DPP6: variants seen among roughly 807,000 people sequenced by gnomAD.
DPP6 encodes the protein A-type potassium channel modulatory protein DPP6.
A neutral mutation model predicts 122.6 loss-of-function variants in DPP6; 69 were observed. The ratio of observed to expected loss-of-function variants is 0.56; its 90% CI spans 0.46 to 0.69. DPP6 has a LOEUF of 0.69. Ranked by LOEUF, DPP6 falls within the 30% of genes least tolerant of loss-of-function variation. The pLI is 0.00. For synonymous variants in DPP6, 418 were observed against 433.1 expected, an observed-to-expected ratio of 0.97 and a Z score of 0.43; for missense variants, 928 against 1,116.9, an observed-to-expected ratio of 0.83 and a Z score of 2.41.
intron 1 of DPP6, among the ~76,000 whole-genome samples, chr7:154,335,747 C>T (rs1809356546): frequency 6.6e-6 from 1 of 152,128 alleles, no homozygotes; most frequent in African/African-American, 2.4e-5. Context: ...ATGTGGAATT[C>T]TACAGGTATT....
In DPP6 at chr7:154,819,422, TAAA is replaced by T. The variant is rs759448066; in HGVS notation, c.1666+12311_1666+12313del. On this transcript the variant is annotated intron_variant, in intron 16 of 25. Coordinates refer to ENST00000377770, the MANE Select transcript of DPP6 (RefSeq NM_130797.4). ...AAGAGTGAAACTCTGTCTCAATAAA[TAAA>T]TAAATTAATTAATTAATTAATTCAA... 8.9e-3 allele frequency among the ~76,000 whole-genome samples: 1,346 copies of T among 150,976 alleles called. 11 individuals are homozygous for T. Among genetic ancestry groups the T allele is most frequent in the African/African-American group, 0.019 (776 of 41,406 alleles).
chr7:153,891,895 C>G (rs1432364254), intron 1 of DPP6, among the ~76,000 whole-genome samples: 1 of 152,160 alleles, frequency 6.6e-6, no homozygotes, highest in African/African-American at 2.4e-5. Context: ...ACCTAGGACA[C>G]AAAGCATCAG....
intron 5 of DPP6, among the ~76,000 whole-genome samples, chr7:154,607,091 T>C (rs913618231): frequency 8.2e-6 from 1 of 121,228 alleles, no homozygotes; most frequent in African/African-American, 2.6e-5. Context: ...CATCTCCACA[T>C]GAGCAGCTCA....
chr7:154,039,269 C>G (rs1799652920), intron 1 of DPP6, among the ~76,000 whole-genome samples: 1 of 147,028 alleles, frequency 6.8e-6, no homozygotes, highest in African/African-American at 2.7e-5. Flanking sequence ...GGTACATTGC[C>G]AGTTTACAGG....
chr7:154,160,100 A>C (rs1177335085), intron 1 of DPP6, among the ~76,000 whole-genome samples: 1 of 151,902 alleles, frequency 6.6e-6, no homozygotes, highest in Admixed American at 6.5e-5. Flanking sequence ...ACAGAGCAAG[A>C]TCCTGTCTCA....
Position 154,624,631 on chromosome 7 carries a change from G to A in DPP6, c.628-13190G>A, listed in dbSNP as rs944271980. Among the ~76,000 whole-genome samples the A allele has an allele frequency of 1.3e-5, 2 of 152,158 alleles. No homozygotes were observed. The highest frequency in any genetic ancestry group is 1.3e-4 in the Admixed American group (2 of 15,274). On this transcript the variant is annotated intron_variant, in intron 5 of 25. Transcript: ENST00000377770. This position sits in a 1 kb window ranked among gnomAD's most constrained non-coding sequence, Gnocchi z 4.7. ...GGCACTAAGAGGATGACCCCGTGGT[G>A]GTCAGGTACCTTGCTGCTCTGCACA...
chr7:154,314,974 C>A (rs1807308476), intron 1 of DPP6, among the ~76,000 whole-genome samples: 1 of 152,188 alleles, frequency 6.6e-6, no homozygotes, highest in African/African-American at 2.4e-5. Context: ...ATCTCATGGA[C>A]AAACACAGCC....
At chr7:154,780,158 T>G (rs1457927673) in intron 10 of DPP6, among the ~76,000 whole-genome samples, 1 of 152,074 alleles carries the variant, frequency 6.6e-6, no homozygotes, top group East Asian at 1.9e-4. Context: ...TTCATTAGGG[T>G]GAGAAGCCAT....
chr7:154,501,364 C>T (rs149302963), intron 3 of DPP6, among the ~76,000 whole-genome samples: 103 of 152,244 alleles, frequency 6.8e-4, no homozygotes, highest in African/African-American at 2.3e-3. Context: ...TGTCTCCAGG[C>T]CATGTCAGAG....
At chr7:153,857,615 C>T in the DPP6 span, among the ~76,000 whole-genome samples, 1 of 152,196 alleles carries the variant, frequency 6.6e-6, no homozygotes, top group East Asian at 1.9e-4. Context: ...TCATTTGATG[C>T]CAGCTGCCAC....
chr7:154,307,627 A>G (rs1806468776), intron 1 of DPP6, among the ~76,000 whole-genome samples: 2 of 152,234 alleles, frequency 1.3e-5, no homozygotes, highest in Non-Finnish European at 2.9e-5. Flanking sequence ...TGCTTAGAAC[A>G]TAAAGAGGTA....
At chr7:154,672,607 G>A (rs1376832282) in intron 7 of DPP6, among the ~76,000 whole-genome samples, 1 of 152,190 alleles carries the variant, frequency 6.6e-6, no homozygotes, top group East Asian at 1.9e-4. Context: ...TGAATGTTCA[G>A]GTAAGTAATA....
intron 7 of DPP6, among the ~76,000 whole-genome samples, chr7:154,709,576 C>A (rs909994348): frequency 8.5e-6 from 1 of 117,070 alleles, no homozygotes; most frequent in African/African-American, 2.9e-5. Flanking sequence ...TGTAAGACAA[C>A]GACATTTTTC....
chr7:154,449,218 AAAAC>A (rs1159847260), intron 2 of DPP6, among the ~76,000 whole-genome samples: 18 of 152,278 alleles, frequency 1.2e-4, no homozygotes, highest in Middle Eastern at 3.4e-3. Flanking sequence ...CTTGCTTCTC[AAAAC>A]AAACAAACAA....
intron 1 of DPP6, among the ~76,000 whole-genome samples, chr7:154,063,675 C>A (rs202215594): frequency 8.9e-6 from 1 of 112,090 alleles, no homozygotes; most frequent in Admixed American, 8.8e-5. Flanking sequence ...GGACCCCCAT[C>A]CCAGCGGGGG....
chr7:154,419,063 A>G (rs563801865), intron 1 of DPP6, among the ~76,000 whole-genome samples: 1 of 152,356 alleles, frequency 6.6e-6, no homozygotes, highest in Admixed American at 6.5e-5. Flanking sequence ...TGACTGCTGG[A>G]AATGGAATAC....
the DPP6 span, among the ~76,000 whole-genome samples, chr7:153,794,935 C>G: frequency 6.6e-6 from 1 of 152,160 alleles, no homozygotes; most frequent in Non-Finnish European, 1.5e-5. Context: ...TGCCATGATT[C>G]TGAGGCCTCC....
At chr7:154,227,026 C>CA (rs1185910097) in intron 1 of DPP6, among the ~76,000 whole-genome samples, 1 of 150,702 alleles carries the variant, frequency 6.6e-6, no homozygotes, top group African/African-American at 2.5e-5. Flanking sequence ...AGAGTTCCGT[C>CA]AAAAAATCAA....
chr7:153,837,837 A>ATT, the DPP6 span, among the ~76,000 whole-genome samples: 4,425 of 80,544 alleles, frequency 0.055, 375 homozygotes, highest in Admixed American at 0.096. Context: ...TGCCTGGTTA[A>ATT]TTTTTTTTTT....
Sources: allele counts gnomAD v4.1 joint callset (sites outside exome capture counted in the v4.1 genomes callset), GRCh38; gene constraint gnomAD v4.1.1; non-coding constraint Gnocchi (gnomAD v3.1); transcripts MANE v1.5; gene names NCBI Gene and HGNC (gene_info 2026-07-23, HGNC 2026-07-21).